ZNF75D: variants seen among roughly 807,000 people sequenced by gnomAD.
The protein encoded by ZNF75D is zinc finger protein 75.
In ZNF75D, 33 loss-of-function variants were observed where a neutral mutation model predicts 33.3. That is an observed-to-expected ratio of 0.99 (90% CI 0.75 to 1.32). ZNF75D has a LOEUF of 1.32. Among genes scored for constraint, ZNF75D ranks in the 40% most tolerant of loss-of-function variants. ZNF75D has a pLI of 0.00. For synonymous variants in ZNF75D, 113 were observed against 130.6 expected, an observed-to-expected ratio of 0.87 and a Z score of 0.92; for missense variants, 338 against 367.5, an observed-to-expected ratio of 0.92 and a Z score of 0.66.
intron 1 of ZNF75D, among the ~76,000 whole-genome samples, chrX:135,262,210 C>T (rs782550715): frequency 8.9e-6 from 1 of 112,086 alleles, no homozygotes; most frequent in Admixed American, 9.4e-5. Context: ...ACCTTTCTCT[C>T]TGGCTGCCCT....
intron 1 of ZNF75D, chrX:135,298,579 A>T (rs2084166908): frequency 1.8e-5 from 2 of 112,092 alleles, no homozygotes; most frequent in Non-Finnish European, 3.8e-5. Context: ...TGGTTCTAGT[A>T]ATTAGAATTT....
At chrX:135,337,239 TTC>T (rs1236064070) in intron 1 of ZNF75D, among the ~76,000 whole-genome samples, 1 of 112,520 alleles carries the variant, frequency 8.9e-6, no homozygotes, top group Non-Finnish European at 1.9e-5. Flanking sequence ...ATATAATTTT[TTC>T]TCTCTCAACT....
At chrX:135,260,419 GGT>G (rs1210851235) in intron 1 of ZNF75D, among the ~76,000 whole-genome samples, 1 of 94,200 alleles carries the variant, frequency 1.1e-5, no homozygotes, top group Admixed American at 1.1e-4. Flanking sequence ...GAATCCGTCT[GGT>G]CCTGGCCTTT....
At position 135,291,502 on chromosome X, in the gene ZNF75D, C is replaced by T. The variant is rs781930911; in HGVS notation, c.666G>A (p.Met222Ile). Reference sequence around the variant, plus strand: ...ACTCAGGCAGGATGAGTTTAGATGCCATCTTCCAGTGTTTGATTCTTTTCT... The same window carrying T: ...ACTCAGGCAGGATGAGTTTAGATGCTATCTTCCAGTGTTTGATTCTTTTCT... ...SEQKRIKHWKMASKLILPESL... is the reference protein window; with the variant it reads ...SEQKRIKHWKIASKLILPESL... The change falls in exon 5 of 7, where the codon ATG (methionine) becomes ATA (isoleucine). Residue 222 changes from methionine to isoleucine, a missense_variant. Met to Ile is a conservative substitution (Grantham distance 10). Transcript: ENST00000370766. 2 of 1,211,938 alleles carry T rather than the reference C, an allele frequency of 1.7e-6. No individual in the cohort carries two copies. The highest frequency in any genetic ancestry group is 2.2e-6 in the Non-Finnish European group (2 of 895,413).
intron 1 of ZNF75D, among the ~76,000 whole-genome samples, chrX:135,300,872 G>A (rs2084209131): frequency 1.8e-5 from 2 of 112,028 alleles, no homozygotes; most frequent in Non-Finnish European, 3.8e-5. Flanking sequence ...CAAGCGCTTT[G>A]AGGGAGGGAA....
intron 1 of ZNF75D, among the ~76,000 whole-genome samples, chrX:135,340,081 G>A (rs782425499): frequency 8.9e-6 from 1 of 112,505 alleles, no homozygotes; most frequent in East Asian, 2.8e-4. Context: ...AAACTAAAGC[G>A]TTATTCTTTC....
intron 1 of ZNF75D, among the ~76,000 whole-genome samples, chrX:135,339,907 T>A (rs782516810): frequency 6.5e-4 from 73 of 112,157 alleles, no homozygotes; most frequent in African/African-American, 2.1e-3. Context: ...CTTCTCTCCA[T>A]ACACAGCAGT....
rs185524367 is a variant in ZNF75D at position 135,258,774 on chromosome X, G to A, written n.828-2997C>T. The stretch of plus-strand genomic sequence containing the variant: ...TGTTCACTCTGATGGTAGTTTCTTT[G>A]CTGCACAGAAGCTCTTTAGTTTAAT... On this transcript the variant is annotated intron_variant and non_coding_transcript_variant, in intron 1 of 3. Coordinates refer to the ZNF75D transcript ENST00000494295. 4.5e-5 allele frequency among the ~76,000 whole-genome samples: 5 copies of A among 111,795 alleles called. No individual in the cohort carries two copies. The Admixed American group carries it at 4.7e-4, about 11-fold the overall frequency.
In ZNF75D at chrX:135,263,839, C is replaced by A. The variant is rs2083852830; in HGVS notation, n.828-8062G>T. Among the ~76,000 whole-genome samples, 3 of 112,511 alleles carry A rather than the reference C, an allele frequency of 2.7e-5. No individual in the cohort carries two copies. The South Asian group carries it at 1.1e-3, about 41-fold the overall frequency. ...GGGCTGCACCCACTGTCCAACCAGT[C>A]CCAGTGAGATGAAACAGGTACCTCA... On this transcript the variant is annotated intron_variant and non_coding_transcript_variant, in intron 1 of 3. Transcript: ENST00000494295.
At chrX:135,249,362 C>A (rs1556413458) in intron 3 of ZNF75D, 2 of 251,820 alleles carry the variant, frequency 7.9e-6, no homozygotes, top group African/African-American at 5.8e-5. Flanking sequence ...GCCCCAGAAG[C>A]CTCTCTGCAC....
At chrX:135,289,015 G>A (rs1215921072) in intron 6 of ZNF75D, among the ~76,000 whole-genome samples, 2 of 112,511 alleles carry the variant, frequency 1.8e-5, no homozygotes, top group Non-Finnish European at 3.8e-5. Context: ...GATATTTGAG[G>A]TAATGGGGAC....
chrX:135,292,220 C>G (rs930163481), intron 4 of ZNF75D, 61 bp downstream of exon 4: 19 of 1,100,035 alleles, frequency 1.7e-5, no homozygotes, highest in Middle Eastern at 3.5e-4. Context: ...CCAGGACATT[C>G]TAGGTGAACT....
At chrX:135,259,496 G>GT (rs2083828539) in intron 1 of ZNF75D, among the ~76,000 whole-genome samples, 1 of 111,374 alleles carries the variant, frequency 9.0e-6, no homozygotes, top group Non-Finnish European at 1.9e-5. Flanking sequence ...AGTTCTCCTT[G>GT]AAGAGGTCCT....
intron 1 of ZNF75D, among the ~76,000 whole-genome samples, chrX:135,334,533 C>T (rs782282142): frequency 7.1e-5 from 8 of 112,026 alleles, no homozygotes; most frequent in African/African-American, 2.6e-4. Context: ...CACCACTGCT[C>T]GGCCTTCTAG....
rs190360185 is a variant in ZNF75D at position 135,307,891 on chromosome X, G to T, written c.-390-11852C>A. ...CAACCTAACACTAATTCCCTGATTG[G>T]AACATGGCAGACAAAGTCGCTGATC... On this transcript the variant is annotated intron_variant, in intron 1 of 6. Coordinates refer to ENST00000370766, the MANE Select transcript of ZNF75D (RefSeq NM_007131.5). Among the ~76,000 whole-genome samples, 4 of 112,953 alleles carry T rather than the reference G, an allele frequency of 3.5e-5. No homozygotes were observed. The East Asian group carries it at 1.1e-3, about 32-fold the overall frequency.
chrX:135,296,425 G>C (rs1556423017), intron 1 of ZNF75D, among the ~76,000 whole-genome samples: 4 of 111,747 alleles, frequency 3.6e-5, no homozygotes, highest in African/African-American at 1.3e-4. Flanking sequence ...CACCCAGTAA[G>C]AGATGCCACC....
In ZNF75D at chrX:135,291,509, C is replaced by T. The variant is rs991078241; in HGVS notation, c.659G>A (p.Trp220Ter). 3 of 1,211,830 alleles carry T rather than the reference C, an allele frequency of 2.5e-6. No homozygotes were observed. In the Middle Eastern group the frequency reaches 6.9e-4, roughly 278 times the overall value. The change falls in exon 5 of 7, where the codon TGG becomes TAG. Residue 220 changes from tryptophan to a stop codon, truncating the protein, a stop_gained. Transcript: ENST00000370766. LOFTEE classifies it high-confidence loss of function. Reference protein sequence around the residue: ...ALSEQKRIKHWKMASKLILPE... With the variant: ...ALSEQKRIKH ...CAGGATGAGTTTAGATGCCATCTTC[C>T]AGTGTTTGATTCTTTTCTGCTCAGA...
At chrX:135,337,779 A>T (rs538305128) in intron 1 of ZNF75D, among the ~76,000 whole-genome samples, 24 of 111,432 alleles carry the variant, frequency 2.2e-4, no homozygotes, top group South Asian at 3.8e-4. Context: ...AAGAAGTGGC[A>T]TTCACTACCG....
chrX:135,275,819 A>G (rs1010298234), intron 1 of ZNF75D, among the ~76,000 whole-genome samples: 6 of 111,312 alleles, frequency 5.4e-5, no homozygotes, highest in African/African-American at 2.0e-4. Context: ...GATAGAACAC[A>G]CCAGCTTTTT....
Sources: allele counts gnomAD v4.1 joint callset (sites outside exome capture counted in the v4.1 genomes callset), GRCh38; gene constraint gnomAD v4.1.1; transcripts MANE v1.5; gene names NCBI Gene and HGNC (gene_info 2026-07-23, HGNC 2026-07-21).